CACNA2D1: variants seen among roughly 807,000 people sequenced by gnomAD.
The protein encoded by CACNA2D1 is voltage-dependent calcium channel subunit alpha-2/delta-1.
Under a neutral mutation model 171.5 loss-of-function variants are expected in CACNA2D1, and 53 were observed. The ratio of observed to expected loss-of-function variants is 0.31; its 90% CI spans 0.25 to 0.39. The LOEUF (loss-of-function observed/expected upper bound fraction) is 0.39. Among genes scored for constraint, CACNA2D1 ranks in the 10% least tolerant of loss-of-function variants. CACNA2D1 has a pLI of 1.00. For missense variants in CACNA2D1, 903 were observed against 1,299.8 expected (o/e 0.69, Z 4.69); for synonymous variants, 442 against 443.1 (o/e 1.00, Z 0.03).
At chr7:82,399,998 G>A (rs1374126160) in intron 1 of CACNA2D1, among the ~76,000 whole-genome samples, 1 of 152,024 alleles carries the variant, frequency 6.6e-6, no homozygotes, top group Non-Finnish European at 1.5e-5. Flanking sequence ...AAAAAGATAA[G>A]ATCAGATAGT....
At chr7:82,126,193 G>T (rs1455100366) in intron 5 of CACNA2D1, among the ~76,000 whole-genome samples, 2 of 152,132 alleles carry the variant, frequency 1.3e-5, no homozygotes, top group Admixed American at 1.3e-4. Flanking sequence ...AAATGGCAGA[G>T]CTAAGATTTG....
intron 7 of CACNA2D1, among the ~76,000 whole-genome samples, chr7:82,084,514 C>G (rs574974065): frequency 6.6e-6 from 1 of 152,136 alleles, no homozygotes; most frequent in Non-Finnish European, 1.5e-5. Flanking sequence ...CAGGTATATA[C>G]CTAAGGATAC....
At chr7:82,384,658 A>C (rs1824122302) in intron 1 of CACNA2D1, among the ~76,000 whole-genome samples, 1 of 152,162 alleles carries the variant, frequency 6.6e-6, no homozygotes, top group Non-Finnish European at 1.5e-5. Flanking sequence ...AAAAAGAAAA[A>C]ACTTTTGTCT....
At chr7:82,104,594 G>A (rs1306726240) in intron 6 of CACNA2D1, among the ~76,000 whole-genome samples, 2 of 151,642 alleles carry the variant, frequency 1.3e-5, no homozygotes, top group Non-Finnish European at 2.9e-5. Context: ...CCTTATTTTT[G>A]GAACCATTCC....
At chr7:82,090,865 T>C (rs947104635) in intron 6 of CACNA2D1, among the ~76,000 whole-genome samples, 1 of 152,144 alleles carries the variant, frequency 6.6e-6, no homozygotes, top group African/African-American at 2.4e-5. Flanking sequence ...AAAAGATATC[T>C]TTTGTGGCAA....
At chr7:82,440,750 T>C (rs1830439613) in intron 1 of CACNA2D1, among the ~76,000 whole-genome samples, 2 of 151,886 alleles carry the variant, frequency 1.3e-5, no homozygotes, top group Admixed American at 6.6e-5. Context: ...AGAAGATACT[T>C]AACTGACACA....
Position 82,146,184 on chromosome 7 carries a change from C to T in CACNA2D1, c.355-9508G>A, listed in dbSNP as rs149405397. Among the ~76,000 whole-genome samples, 222 of 151,596 alleles carry T rather than the reference C, an allele frequency of 1.5e-3. 1 individual carries two copies. The highest frequency in any genetic ancestry group is 2.6e-3 in the Non-Finnish European group (177 of 67,880). On this transcript the variant is annotated intron_variant, in intron 4 of 38. Coordinates refer to ENST00000356860, the MANE Select transcript of CACNA2D1 (RefSeq NM_000722.4). ...GTTTAATAACCTAACTGCAAAGATA[C>T]TCATGTACTACAGCCCAGAGCTGAA...
At chr7:82,196,705 T>G (rs1182487427) in intron 3 of CACNA2D1, among the ~76,000 whole-genome samples, 1 of 151,916 alleles carries the variant, frequency 6.6e-6, no homozygotes, top group African/African-American at 2.4e-5. Flanking sequence ...TTGTTAGACT[T>G]GAACAAAATA....
intron 24 of CACNA2D1, among the ~76,000 whole-genome samples, chr7:81,982,328 C>A (rs1413416485): frequency 6.6e-6 from 1 of 152,176 alleles, no homozygotes; most frequent in Non-Finnish European, 1.5e-5. Context: ...CGGGGTTTCA[C>A]CATGTTGGCC....
At chr7:82,292,947 CAT>C (rs1811833347) in intron 3 of CACNA2D1, among the ~76,000 whole-genome samples, 1 of 151,974 alleles carries the variant, frequency 6.6e-6, no homozygotes, top group African/African-American at 2.4e-5. Context: ...CACACACACA[CAT>C]ACACATTAAA....
At chr7:82,067,135 A>C (rs573168413) in intron 7 of CACNA2D1, among the ~76,000 whole-genome samples, 1 of 152,310 alleles carries the variant, frequency 6.6e-6, no homozygotes, top group Non-Finnish European at 1.5e-5. Flanking sequence ...CAATAATCAG[A>C]AATAACTTCA....
intron 3 of CACNA2D1, among the ~76,000 whole-genome samples, chr7:82,235,971 T>A (rs1803541555): frequency 6.6e-6 from 1 of 152,100 alleles, no homozygotes; most frequent in South Asian, 2.1e-4. Context: ...TATATGCGGA[T>A]GACTATGTGC....
intron 6 of CACNA2D1, among the ~76,000 whole-genome samples, chr7:82,096,050 C>T (rs541158089): frequency 6.6e-6 from 1 of 152,308 alleles, no homozygotes; most frequent in South Asian, 2.1e-4. Flanking sequence ...CTAATCATCT[C>T]ATTTCTGTCA....
At chr7:82,111,273 C>T in intron 6 of CACNA2D1, among the ~76,000 whole-genome samples, 1 of 128,208 alleles carries the variant, frequency 7.8e-6, no homozygotes, top group Non-Finnish European at 1.6e-5. Flanking sequence ...TATATACACA[C>T]ACATATATAT....
rs143327784 is a variant in CACNA2D1 at position 82,421,546 on chromosome 7, T to A, written c.95+21819A>T. On this transcript the variant is annotated intron_variant, in intron 1 of 38. Transcript: ENST00000356860. ...ATACATAAAAACAAGAATTTGAATTTGATCAATCAAGGAAGAGCGTTTGGG... is the reference window on the plus strand; with the variant it reads ...ATACATAAAAACAAGAATTTGAATTAGATCAATCAAGGAAGAGCGTTTGGG... Among the ~76,000 whole-genome samples the A allele has an allele frequency of 9.2e-3, 1,403 of 152,232 alleles. 20 individuals carry two copies. The highest frequency in any genetic ancestry group is 0.031 in the African/African-American group (1,295 of 41,528).
intron 3 of CACNA2D1, among the ~76,000 whole-genome samples, chr7:82,311,990 A>G (rs1348164533): frequency 6.6e-6 from 1 of 152,206 alleles, no homozygotes; most frequent in Non-Finnish European, 1.5e-5. Context: ...AATTTACTCA[A>G]TTCAGACTGG....
intron 4 of CACNA2D1, among the ~76,000 whole-genome samples, chr7:82,142,763 C>T (rs1351816308): frequency 6.6e-6 from 1 of 152,110 alleles, no homozygotes; most frequent in Non-Finnish European, 1.5e-5. Context: ...TTTTATCACT[C>T]CTGAGTTCCA....
chr7:81,968,928 G>T lies in CACNA2D1; in HGVS notation c.2354C>A (p.Ala785Asp). 6.3e-7 allele frequency: 1 copy of T among 1,595,060 alleles called. No homozygotes were observed. The highest frequency in any genetic ancestry group is 8.6e-7 in the Non-Finnish European group (1 of 1,165,168). The change falls in exon 29 of 39, where the codon GCT (alanine) becomes GAT (aspartate). Residue 785 changes from alanine to aspartate, a missense_variant. Physicochemically the swap from Ala to Asp is moderately radical, Grantham distance 126 (BLOSUM62 -2). Transcript: ENST00000356860. ...TTTCCCTTGAATATATATTTCTACA[G>T]CTTTGCTTACCATAATGCCCGATTC... ...AYESGIMVSK[A>D]VEIYIQGKLL...
chr7:82,240,037 A>C (rs1804065384), intron 3 of CACNA2D1, among the ~76,000 whole-genome samples: 1 of 152,224 alleles, frequency 6.6e-6, no homozygotes, highest in Non-Finnish European at 1.5e-5. Context: ...CATATTAGAA[A>C]TGAATATAGC....
Sources: allele counts gnomAD v4.1 joint callset (sites outside exome capture counted in the v4.1 genomes callset), GRCh38; gene constraint gnomAD v4.1.1; transcripts MANE v1.5; gene names NCBI Gene and HGNC (gene_info 2026-07-23, HGNC 2026-07-21).